MCTP1: variants seen among roughly 807,000 people sequenced by gnomAD.
MCTP1 encodes the protein multiple C2 and transmembrane domain-containing protein 1.
In MCTP1, 69 loss-of-function variants were observed where a neutral mutation model predicts 120.6. The ratio of observed to expected loss-of-function variants is 0.57; its 90% CI spans 0.47 to 0.70. The LOEUF (loss-of-function observed/expected upper bound fraction) is 0.70. Among genes scored for constraint, MCTP1 ranks in the 30% least tolerant of loss-of-function variants. MCTP1 has a pLI of 0.00. For missense variants in MCTP1, 1,203 were observed against 1,248.8 expected, an observed-to-expected ratio of 0.96 and a Z score of 0.55; for synonymous variants, 529 against 493.1, an observed-to-expected ratio of 1.07 and a Z score of -0.96.
chr5:94,717,762 C>G (rs1759847578), intron 19 of MCTP1, among the ~76,000 whole-genome samples: 1 of 152,150 alleles, frequency 6.6e-6, no homozygotes, highest in Non-Finnish European at 1.5e-5. Context: ...AATGAACTCT[C>G]ATTCACAATT....
intron 19 of MCTP1, among the ~76,000 whole-genome samples, chr5:94,756,103 G>A (rs1269819781): frequency 2.6e-5 from 4 of 152,074 alleles, no homozygotes; most frequent in Non-Finnish European, 4.4e-5. Flanking sequence ...AGGAAATTCC[G>A]ACAACAGCCA....
intron 19 of MCTP1, among the ~76,000 whole-genome samples, chr5:94,745,415 A>G (rs764665861): frequency 1.3e-5 from 2 of 152,204 alleles, no homozygotes; most frequent in African/African-American, 2.4e-5. Context: ...GGGAGGAGGC[A>G]TGTGTAATAC....
chr5:95,282,350 G>A (rs976291195), intron 1 of MCTP1, among the ~76,000 whole-genome samples: 1 of 151,746 alleles, frequency 6.6e-6, no homozygotes, highest in South Asian at 2.1e-4. Context: ...TAACATTCAC[G>A]GTAATATGAT....
At chr5:94,789,834 C>T (rs1003255190) in intron 18 of MCTP1, among the ~76,000 whole-genome samples, 1 of 152,114 alleles carries the variant, frequency 6.6e-6, no homozygotes, top group Non-Finnish European at 1.5e-5. Flanking sequence ...CTGTTAGTGC[C>T]TATAAATATT....
At position 95,166,568 on chromosome 5, in the gene MCTP1, A is replaced by ATT. The variant is rs34176318; in HGVS notation, c.720+117286_720+117287dup. On this transcript the variant is annotated intron_variant, in intron 1 of 22. Coordinates refer to ENST00000515393, the MANE Select transcript of MCTP1 (RefSeq NM_024717.7). ...CTTATTTACCACCCTAATTTTAATC[A>ATT]TTTTTTTTTTTTTTTTTTGAGATGG... 9.9e-3 allele frequency among the ~76,000 whole-genome samples: 1,240 copies of ATT among 125,086 alleles called. 31 individuals are homozygous for ATT. Among genetic ancestry groups the ATT allele is most frequent in the East Asian group, 0.033 (143 of 4,320 alleles). 82.1% of individuals were successfully genotyped at this position (125,086 alleles called of 152,430 possible). A position where few individuals can be genotyped will look rare whatever the true frequency, so the allele number is the denominator to read the frequency against.
At chr5:95,200,837 CAT>C (rs1423199291) in intron 1 of MCTP1, among the ~76,000 whole-genome samples, 1 of 152,140 alleles carries the variant, frequency 6.6e-6, no homozygotes, top group African/African-American at 2.4e-5. Flanking sequence ...TGAGGTAATG[CAT>C]ATGTTAATTA....
At chr5:94,922,108 G>T (rs796122381) in intron 7 of MCTP1, among the ~76,000 whole-genome samples, 9 of 152,272 alleles carry the variant, frequency 5.9e-5, no homozygotes, top group African/African-American at 2.2e-4. Flanking sequence ...CAATTCATTT[G>T]TCAACTCTTC....
rs78570003 is a variant in MCTP1 at position 95,112,051 on chromosome 5, A to T, written c.721-94567T>A. Among the ~76,000 whole-genome samples, 576 of 152,294 alleles carry T rather than the reference A, an allele frequency of 3.8e-3. 4 individuals are homozygous for T. Among genetic ancestry groups the T allele is most frequent in the African/African-American group, 0.013 (536 of 41,574 alleles). ...ATAGAAAGAATACAACAAATATTTT[A>T]AAAGAAGTGCACACACGCTATATAA... On this transcript the variant is annotated intron_variant, in intron 1 of 22. Transcript: ENST00000515393.
chr5:94,747,519 G>A (rs1433616099), intron 19 of MCTP1, among the ~76,000 whole-genome samples: 1 of 152,114 alleles, frequency 6.6e-6, no homozygotes, highest in Non-Finnish European at 1.5e-5. Context: ...TTCATTGAAA[G>A]CATGAAAGCA....
intron 1 of MCTP1, among the ~76,000 whole-genome samples, chr5:95,064,659 G>T (rs183930452): frequency 3.5e-4 from 53 of 152,296 alleles, no homozygotes; most frequent in Non-Finnish European, 5.9e-4. Flanking sequence ...ACTCTACTCA[G>T]AGAAATTCTG....
chr5:94,926,071 A>G (rs1008806991), intron 6 of MCTP1, among the ~76,000 whole-genome samples: 7 of 152,208 alleles, frequency 4.6e-5, no homozygotes. Context: ...TAACAAATGC[A>G]TATAATGTGA....
intron 17 of MCTP1, among the ~76,000 whole-genome samples, chr5:94,834,468 A>G (rs755120655): frequency 3.9e-5 from 6 of 152,194 alleles, no homozygotes; most frequent in Non-Finnish European, 7.3e-5. Context: ...ACAAGCTACA[A>G]CTGCGTTTTA....
At chr5:94,890,224 TC>T (rs1476709704) in intron 11 of MCTP1, among the ~76,000 whole-genome samples, 3 of 152,178 alleles carry the variant, frequency 2.0e-5, no homozygotes, top group Middle Eastern at 3.2e-3. Flanking sequence ...CAGGATAGTC[TC>T]TGATTCCTGG....
At chr5:95,073,482 C>T (rs1043810376) in intron 1 of MCTP1, among the ~76,000 whole-genome samples, 3 of 152,196 alleles carry the variant, frequency 2.0e-5, no homozygotes, top group Non-Finnish European at 4.4e-5. Flanking sequence ...TAACTGACTG[C>T]ACCCTGACTA....
chr5:94,819,326 T>A (rs1785160993), intron 17 of MCTP1, among the ~76,000 whole-genome samples: 1 of 152,010 alleles, frequency 6.6e-6, no homozygotes, highest in Non-Finnish European at 1.5e-5. Flanking sequence ...AGACGGAGTT[T>A]CACCATGTTG....
In MCTP1 at chr5:94,870,800, A is replaced by T. The variant is rs1797711983; in HGVS notation, c.2241+72T>A. On this transcript the variant is annotated intron_variant, in intron 15 of 22. Transcript: ENST00000515393. The stretch of plus-strand genomic sequence containing the variant: ...AAATGAGGAATGACAGAAATTCTCT[A>T]CAAATCAGGAACAAAAGCTTTCATG... 3 of 1,077,162 alleles carry T rather than the reference A, an allele frequency of 2.8e-6. No individual in the cohort carries two copies. In the East Asian group the frequency reaches 7.1e-5, roughly 26 times the overall value. 66.7% of individuals were successfully genotyped at this position (1,077,162 alleles called of 1,614,324 possible).
At chr5:95,083,479 C>T (rs148513728) in intron 1 of MCTP1, among the ~76,000 whole-genome samples, 4 of 152,318 alleles carry the variant, frequency 2.6e-5, no homozygotes, top group African/African-American at 4.8e-5. Flanking sequence ...AGAGCTACAA[C>T]GCAGGGGTCA....
At chr5:94,897,664 C>T (rs554187399) in intron 10 of MCTP1, among the ~76,000 whole-genome samples, 9 of 152,270 alleles carry the variant, frequency 5.9e-5, no homozygotes, top group South Asian at 4.1e-4. Context: ...TGCACCCAGC[C>T]GACTTTTTCC....
chr5:94,722,055 T>A (rs1282265710), intron 19 of MCTP1, among the ~76,000 whole-genome samples: 1 of 152,200 alleles, frequency 6.6e-6, no homozygotes, highest in African/African-American at 2.4e-5. Context: ...TGAAGTACAG[T>A]GATTCTTTAA....
Sources: allele counts gnomAD v4.1 joint callset (sites outside exome capture counted in the v4.1 genomes callset), GRCh38; gene constraint gnomAD v4.1.1; transcripts MANE v1.5; gene names NCBI Gene and HGNC (gene_info 2026-07-23, HGNC 2026-07-21).